The following SGCD variants were observed in gnomAD, a reference collection of about 807,000 sequenced individuals.
SGCD encodes delta-sarcoglycan.
In SGCD, 18 loss-of-function variants were observed where a neutral mutation model predicts 36.6. That is an observed-to-expected ratio of 0.49 (90% CI 0.34 to 0.73). The LOEUF is 0.73. Ranked by LOEUF, SGCD falls within the 30% of genes least tolerant of loss-of-function variation. The probability of loss-of-function intolerance (pLI) is 0.01; values close to 1 mark genes in which losing one functional copy is unlikely to be tolerated. For synonymous variants in SGCD, 133 were observed against 130.6 expected (o/e 1.02, Z -0.12); for missense variants, 387 against 346.7 (o/e 1.12, Z -0.92).
intron 3 of SGCD, among the ~76,000 whole-genome samples, chr5:156,238,652 G>C (rs912370987): frequency 1.3e-5 from 2 of 152,160 alleles, no homozygotes; most frequent in Admixed American, 1.3e-4. Context: ...GGCTGATAAT[G>C]ACTGTATTGG....
At chr5:155,796,119 A>G in the SGCD span, among the ~76,000 whole-genome samples, 4 of 152,210 alleles carry the variant, frequency 2.6e-5, no homozygotes, top group Admixed American at 6.5e-5. Context: ...TAACAGATAC[A>G]GGGCACTGCA....
chr5:156,746,187 T>C (rs1756929462), intron 7 of SGCD, among the ~76,000 whole-genome samples: 1 of 151,774 alleles, frequency 6.6e-6, no homozygotes, highest in Admixed American at 6.6e-5. Context: ...GACAGCTGAC[T>C]TCTTCATCAC....
chr5:156,163,194 G>A (rs1275746439), intron 3 of SGCD, among the ~76,000 whole-genome samples: 2 of 151,434 alleles, frequency 1.3e-5, no homozygotes, highest in African/African-American at 4.9e-5. Flanking sequence ...CCCAAATGAG[G>A]GATTATAAGA....
At chr5:156,557,756 C>T (rs1469852249) in intron 4 of SGCD, among the ~76,000 whole-genome samples, 2 of 151,970 alleles carry the variant, frequency 1.3e-5, no homozygotes. Flanking sequence ...TGATATATCC[C>T]CTCTGCCTCC....
At chr5:156,322,371 A>T (rs558516886), upstream of SGCD, among the ~76,000 whole-genome samples, 92 of 152,294 alleles carry the variant, frequency 6.0e-4, no homozygotes, top group Non-Finnish European at 1.1e-3. Flanking sequence ...TTACTTAAAA[A>T]TATCTATTGT....
the SGCD span, among the ~76,000 whole-genome samples, chr5:155,808,018 G>A: frequency 6.6e-6 from 1 of 152,186 alleles, no homozygotes. Flanking sequence ...TGCTATATCT[G>A]CAACCTTATA....
At chr5:156,169,282 A>G (rs1763288073) in intron 3 of SGCD, among the ~76,000 whole-genome samples, 1 of 152,162 alleles carries the variant, frequency 6.6e-6, no homozygotes, top group Non-Finnish European at 1.5e-5. Flanking sequence ...TTGGGCCCCG[A>G]TGCTCTCTGA....
chr5:156,377,630 C>T (rs1367000185), intron 3 of SGCD, among the ~76,000 whole-genome samples: 1 of 152,088 alleles, frequency 6.6e-6, no homozygotes. Flanking sequence ...GAAAATAAAG[C>T]CAGCAGTGCA....
rs1023455597 is a variant in SGCD at position 156,124,703 on chromosome 5, G to A, written c.-44+684G>A. On this transcript the variant is annotated intron_variant, in intron 3 of 9. Coordinates refer to the SGCD transcript ENST00000517913. ...TATCTCTGTGCGTGTGTATGTGTGC[G>A]CACATGTGTATATGCATATATATGT... Among the ~76,000 whole-genome samples the A allele has an allele frequency of 7.9e-5, 12 of 151,850 alleles. 1 individual carries two copies. The highest frequency in any genetic ancestry group is 2.1e-4 in the South Asian group (1 of 4,798).
chr5:156,541,639 C>T (rs186158072), intron 4 of SGCD, among the ~76,000 whole-genome samples: 5 of 151,796 alleles, frequency 3.3e-5, no homozygotes, highest in Admixed American at 2.0e-4. Context: ...GATGAAGGGG[C>T]GCATCATAAG....
intron 3 of SGCD, among the ~76,000 whole-genome samples, chr5:156,402,938 T>G (rs1772230579): frequency 6.6e-6 from 1 of 152,224 alleles, no homozygotes; most frequent in Admixed American, 6.5e-5. Flanking sequence ...CTACATTTAA[T>G]TTTTTGAAGA....
chr5:156,656,891 CTT>C (rs1387771238), intron 7 of SGCD, among the ~76,000 whole-genome samples: 1 of 151,992 alleles, frequency 6.6e-6, no homozygotes, highest in South Asian at 2.1e-4. Flanking sequence ...TGTAGGGTTT[CTT>C]TTTGTTGTTG....
At chr5:156,483,306 T>C (rs1755518485) in intron 3 of SGCD, among the ~76,000 whole-genome samples, 1 of 152,138 alleles carries the variant, frequency 6.6e-6, no homozygotes, top group Non-Finnish European at 1.5e-5. Flanking sequence ...TTTCCTTTGC[T>C]TAGGTGCATG....
chr5:156,224,474 G>A (rs1005981442), intron 3 of SGCD, among the ~76,000 whole-genome samples: 4 of 152,070 alleles, frequency 2.6e-5, no homozygotes, highest in African/African-American at 9.7e-5. Flanking sequence ...TCAATCTATC[G>A]TTATCATCAT....
intron 7 of SGCD, among the ~76,000 whole-genome samples, chr5:156,681,853 A>G (rs1344407490): frequency 6.6e-6 from 1 of 152,244 alleles, no homozygotes; most frequent in Non-Finnish European, 1.5e-5. Flanking sequence ...AGGTTACTTT[A>G]CTGATGAAAA....
chr5:155,757,349 T>G, the SGCD span, among the ~76,000 whole-genome samples: 47 of 152,320 alleles, frequency 3.1e-4, 1 homozygote, highest in Admixed American at 2.0e-4. Flanking sequence ...GCTATAGCCC[T>G]GCAAATTAAG....
At chr5:156,408,280 G>A (rs140042281) in intron 3 of SGCD, among the ~76,000 whole-genome samples, 13 of 152,012 alleles carry the variant, frequency 8.6e-5, no homozygotes, top group East Asian at 3.9e-4. Context: ...GGACATGTGC[G>A]TACAGGATGT....
At chr5:156,132,709 C>T (rs1359362583) in intron 3 of SGCD, among the ~76,000 whole-genome samples, 1 of 151,682 alleles carries the variant, frequency 6.6e-6, no homozygotes, top group Non-Finnish European at 1.5e-5. Flanking sequence ...ACCTCGTGAT[C>T]CGCCCGCCTC....
chr5:156,028,387 A>C (rs1233756468), intron 1 of SGCD, among the ~76,000 whole-genome samples: 1 of 152,168 alleles, frequency 6.6e-6, no homozygotes, highest in African/African-American at 2.4e-5. Flanking sequence ...GTCAGACAGA[A>C]CTGAATTAAA....
Sources: gnomAD v4.1 joint callset for allele counts (sites outside exome capture counted in the v4.1 genomes callset) on GRCh38, gnomAD v4.1.1 for gene constraint, MANE v1.5 for transcripts, NCBI Gene and HGNC (gene_info 2026-07-23, HGNC 2026-07-21) for gene names.